The following AGBL1 variants were observed in gnomAD, a reference collection of about 807,000 sequenced individuals.
The protein encoded by AGBL1 is AGBL carboxypeptidase 1.
In AGBL1, 130 loss-of-function variants were observed where a neutral mutation model predicts 118.9. That is an observed-to-expected ratio of 1.09 (90% CI 0.95 to 1.26). The LOEUF (loss-of-function observed/expected upper bound fraction) is 1.26, where lower values mean the gene tolerates loss of function less well. Among genes scored for constraint, AGBL1 ranks in the 50% most tolerant of loss-of-function variants. The pLI, the probability that AGBL1 is intolerant of heterozygous loss-of-function variation, is 0.00. For missense variants in AGBL1, 1,584 were observed against 1,298.1 expected (o/e 1.22, Z -3.38); for synonymous variants, 555 against 478.9 (o/e 1.16, Z -2.08).
chr15:86,740,910 A>T (rs1172717641), intron 22 of AGBL1, among the ~76,000 whole-genome samples: 1 of 152,108 alleles, frequency 6.6e-6, no homozygotes, highest in Admixed American at 6.5e-5. Flanking sequence ...CAGAGGTGAG[A>T]TCCCCTCCAT....
At chr15:86,721,939 C>A (rs1006951326) in intron 22 of AGBL1, among the ~76,000 whole-genome samples, 4 of 152,114 alleles carry the variant, frequency 2.6e-5, no homozygotes, top group African/African-American at 9.7e-5. Flanking sequence ...CCTAGGAATC[C>A]AACTTACAAG....
At chr15:86,606,443 G>T (rs1009329938) in intron 21 of AGBL1, among the ~76,000 whole-genome samples, 1 of 152,154 alleles carries the variant, frequency 6.6e-6, no homozygotes, top group Non-Finnish European at 1.5e-5. Context: ...CCAGGGAAGG[G>T]ATATAAAGAC....
chr15:86,720,180 T>C (rs976280211), intron 22 of AGBL1, among the ~76,000 whole-genome samples: 1 of 152,218 alleles, frequency 6.6e-6, no homozygotes, highest in Admixed American at 6.5e-5. Flanking sequence ...ACATCTTCGC[T>C]TGGATAACTC....
In AGBL1 at chr15:86,421,903, G is replaced by C. The variant is rs139194407; in HGVS notation, c.2555+24357G>C. ...ATCAATGCAACAAGAAGAGCTAACT[G>C]TCTTAAATTTATATGCACCCAATAC... is the stretch of plus-strand genomic sequence containing the variant. On this transcript the variant is annotated intron_variant, in intron 18 of 22. Transcript: ENST00000614907. 9.9e-5 allele frequency among the ~76,000 whole-genome samples: 15 copies of C among 152,218 alleles called. No homozygotes were observed. In the East Asian group the frequency reaches 1.9e-3, roughly 20 times the overall value.
At chr15:86,973,352 A>C (rs1040383253) in intron 23 of AGBL1, among the ~76,000 whole-genome samples, 33 of 152,066 alleles carry the variant, frequency 2.2e-4, no homozygotes, top group Admixed American at 1.2e-3. Context: ...TCAACAGTTG[A>C]AGCTTCTTGA....
intron 22 of AGBL1, among the ~76,000 whole-genome samples, chr15:86,745,252 T>C (rs898028818): frequency 6.6e-6 from 1 of 152,086 alleles, no homozygotes; most frequent in African/African-American, 2.4e-5. Flanking sequence ...TTGTGCCCAA[T>C]CTTTCTGAAT....
chr15:86,206,698 T>C (rs565367580), intron 5 of AGBL1, among the ~76,000 whole-genome samples: 2 of 152,374 alleles, frequency 1.3e-5, no homozygotes, highest in Admixed American at 1.3e-4. Context: ...TCTTTGTAGA[T>C]TGTGGATATT....
intron 24 of AGBL1, among the ~76,000 whole-genome samples, chr15:87,013,803 C>A (rs1310521804): frequency 1.1e-5 from 1 of 87,526 alleles, no homozygotes; most frequent in Non-Finnish European, 3.0e-5. Flanking sequence ...TTAAATTTAA[C>A]AAAATGGAGT....
intron 21 of AGBL1, among the ~76,000 whole-genome samples, chr15:86,671,852 A>G (rs2085752361): frequency 6.6e-6 from 1 of 152,196 alleles, no homozygotes; most frequent in African/African-American, 2.4e-5. Flanking sequence ...CATACTGAGG[A>G]TATGACATTT....
In AGBL1 at chr15:86,914,341, T is replaced by A. The variant is rs922486238; in HGVS notation, c.*7047T>A. On this transcript the variant is annotated 3_prime_UTR_variant, in exon 23 of 23. Coordinates refer to ENST00000614907, the MANE Select transcript of AGBL1 (RefSeq NM_001386094.1). ...CTGCTCAGACAATCACATAAGTGAC[T>A]CATTTCACTCTCAGTACCAGCTCTG... 1 of 152,202 alleles carries A rather than the reference T, an allele frequency of 6.6e-6. No homozygotes were observed. The highest frequency in any genetic ancestry group is 2.1e-4 in the South Asian group (1 of 4,820). 9.4% of individuals were successfully genotyped at this position (152,202 alleles called of 1,614,324 possible).
chr15:86,852,579 T>C (rs1351141787), intron 22 of AGBL1, among the ~76,000 whole-genome samples: 1 of 152,214 alleles, frequency 6.6e-6, no homozygotes, highest in Non-Finnish European at 1.5e-5. Flanking sequence ...ATGCCTCTTT[T>C]TGCAAGGTAC....
chr15:86,952,728 T>C (rs975707948), intron 23 of AGBL1, among the ~76,000 whole-genome samples: 8 of 152,168 alleles, frequency 5.3e-5, no homozygotes, highest in African/African-American at 1.9e-4. Flanking sequence ...GCAATTGCTT[T>C]TGGGGACTCA....
intron 3 of AGBL1, 78 bp from the exon 4 acceptor site, chr15:86,154,352 C>T (rs752441944): frequency 2.7e-4 from 395 of 1,468,244 alleles, no homozygotes; most frequent in Non-Finnish European, 3.2e-4. Context: ...CACCATCTTC[C>T]CCTTCCTCCA....
intron 5 of AGBL1, among the ~76,000 whole-genome samples, chr15:86,183,519 A>G (rs2077582090): frequency 6.6e-6 from 1 of 152,196 alleles, no homozygotes; most frequent in Non-Finnish European, 1.5e-5. Flanking sequence ...ACCATGCTGT[A>G]GCATGATGAG....
At chr15:86,580,344 A>G in intron 21 of AGBL1, among the ~76,000 whole-genome samples, 1 of 152,164 alleles carries the variant, frequency 6.6e-6, no homozygotes, top group East Asian at 1.9e-4. Context: ...GGCTGAAAAA[A>G]GGGAGTCTGA....
intron 21 of AGBL1, among the ~76,000 whole-genome samples, chr15:86,668,042 G>A (rs1360599310): frequency 1.3e-5 from 2 of 152,172 alleles, no homozygotes; most frequent in Non-Finnish European, 2.9e-5. Flanking sequence ...GCAAGAGAGA[G>A]AGGAGCAGGT....
At chr15:87,020,587 A>G (rs1335755478) in intron 24 of AGBL1, among the ~76,000 whole-genome samples, 6 of 152,136 alleles carry the variant, frequency 3.9e-5, no homozygotes, top group Admixed American at 6.6e-5. Flanking sequence ...ATGATCCTAT[A>G]TCTAGAAAAC....
intron 21 of AGBL1, among the ~76,000 whole-genome samples, chr15:86,593,581 T>C (rs2084367317): frequency 6.6e-6 from 1 of 152,242 alleles, no homozygotes; most frequent in Non-Finnish European, 1.5e-5. Flanking sequence ...ATAAATTGCA[T>C]GGACTAATTG....
intron 21 of AGBL1, among the ~76,000 whole-genome samples, chr15:86,640,968 GA>G (rs2085179975): frequency 3.3e-5 from 1 of 30,286 alleles, no homozygotes; most frequent in African/African-American, 8.5e-5. Flanking sequence ...TACTGAGGTT[GA>G]TTTTTTTTTT....
Sources: gnomAD v4.1 joint callset for allele counts (sites outside exome capture counted in the v4.1 genomes callset) on GRCh38, gnomAD v4.1.1 for gene constraint, MANE v1.5 for transcripts, NCBI Gene and HGNC (gene_info 2026-07-23, HGNC 2026-07-21) for gene names.